VIT: variants seen among roughly 807,000 people sequenced by gnomAD.
VIT encodes the protein vitrin.
A neutral mutation model predicts 78.0 loss-of-function variants in VIT; 99 were observed. The observed-to-expected ratio is 1.27, with a 90% CI of 1.08 to 1.50. The LOEUF is 1.50. VIT is among the 40% of genes most tolerant of loss of function. The probability of loss-of-function intolerance (pLI) is 0.00; values close to 1 mark genes in which losing one functional copy is unlikely to be tolerated. For missense variants in VIT, 1,126 were observed against 875.3 expected (o/e 1.29, Z -3.61); for synonymous variants, 374 against 334.3 (o/e 1.12, Z -1.29).
chr2:36,752,518 C>T (rs1668524117), intron 4 of VIT, among the ~76,000 whole-genome samples: 1 of 152,172 alleles, frequency 6.6e-6, no homozygotes, highest in Non-Finnish European at 1.5e-5. Context: ...ACTGGGTTTG[C>T]TTTTCCAGAG....
At chr2:36,711,965 C>T (rs13006747) in intron 1 of VIT, among the ~76,000 whole-genome samples, 21,320 of 152,114 alleles carry the variant, frequency 0.14, 1,981 homozygotes, top group Non-Finnish European at 0.2. Context: ...ATCAGTAACA[C>T]ATTCTTTTGG....
In VIT at chr2:36,787,268, C is replaced by G. The variant is rs1422476279; in HGVS notation, c.1050C>G (p.Val350=). 6.2e-7 allele frequency: 1 copy of G among 1,614,014 alleles called. No homozygotes were observed. Residue 350 remains valine, a synonymous_variant, in exon 12 of 16, where the codon GTC becomes GTG. Coordinates refer to ENST00000379242, the MANE Select transcript of VIT (RefSeq NM_053276.4). ...CTGCCGGTCCACTGATGGGTGTTGTCCAGTATGGGTAAGTGCAGTTAATGT... is the reference window on the plus strand; with the variant it reads ...CTGCCGGTCCACTGATGGGTGTTGTGCAGTATGGGTAAGTGCAGTTAATGT... ...IGPAGPLMGV[V]QYGDNPATHF...
chr2:36,778,700 C>T (rs1418196547), intron 9 of VIT, among the ~76,000 whole-genome samples: 1 of 152,172 alleles, frequency 6.6e-6, no homozygotes, highest in Non-Finnish European at 1.5e-5. Context: ...ACCAGCATGG[C>T]GACACCCTGG....
At chr2:36,703,442 G>T (rs1176517071) in intron 1 of VIT, among the ~76,000 whole-genome samples, 2 of 151,984 alleles carry the variant, frequency 1.3e-5, no homozygotes, top group Admixed American at 1.3e-4. Context: ...TTGTCTTGAG[G>T]CCTCAACCAA....
chr2:36,793,214 C>G (rs1665630031), intron 12 of VIT, among the ~76,000 whole-genome samples: 1 of 152,146 alleles, frequency 6.6e-6, no homozygotes, highest in Non-Finnish European at 1.5e-5. Context: ...GCACGTGATT[C>G]ACATTTACTC....
Position 36,755,018 on chromosome 2 carries a change from T to TCCCTA in VIT, c.376_380dup (p.Arg128TyrfsTer11). Reference sequence around the variant, plus strand: ...TTATTCCAACGGTGTCCAATCGTTATCCCTACCACGATGGAGAGAATCCTT... The same window carrying TCCCTA: ...TTATTCCAACGGTGTCCAATCGTTATCCCTACCCTACCACGATGGAGAGAATCCTT... On this transcript the variant is annotated frameshift_variant, in exon 5 of 16. Transcript: ENST00000379242. LOFTEE classifies it high-confidence loss of function. The TCCCTA allele has an allele frequency of 6.2e-7, 1 of 1,614,176 alleles. No individual in the cohort carries two copies. The highest frequency in any genetic ancestry group is 8.5e-7 in the Non-Finnish European group (1 of 1,180,024).
chr2:36,796,820 G>T (rs1393288175), intron 12 of VIT, among the ~76,000 whole-genome samples: 1 of 151,914 alleles, frequency 6.6e-6, no homozygotes, highest in African/African-American at 2.4e-5. Context: ...ATTATTTGTC[G>T]ATGAGCAACG....
chr2:36,731,976 C>A (rs1273826629), intron 3 of VIT, among the ~76,000 whole-genome samples: 1 of 152,064 alleles, frequency 6.6e-6, no homozygotes, highest in Non-Finnish European at 1.5e-5. Context: ...GAAATGAGAC[C>A]AAAAGGGCAA....
At chr2:36,728,892 C>G (rs1038814705) in intron 2 of VIT, among the ~76,000 whole-genome samples, 1 of 147,038 alleles carries the variant, frequency 6.8e-6, no homozygotes, top group African/African-American at 2.5e-5. Context: ...GTTATAAAAT[C>G]TACGGCTTTG....
rs539015947 is a variant in VIT, at chr2:36,799,848, G to A, written c.1059-1453G>A. On this transcript the variant is annotated intron_variant, in intron 12 of 15. Transcript: ENST00000379242. The stretch of plus-strand genomic sequence containing the variant: ...AGATCACCTGAGGTGAGGAGTTGGA[G>A]ACCAGCCTGGCCAACATGGCAAAAC... 1.2e-4 allele frequency among the ~76,000 whole-genome samples: 19 copies of A among 152,002 alleles called. No homozygotes were observed. In the East Asian group the frequency reaches 1.4e-3, roughly 11 times the overall value.
chr2:36,723,141 G>T (rs1351182225), intron 2 of VIT, among the ~76,000 whole-genome samples: 1 of 151,930 alleles, frequency 6.6e-6, no homozygotes, highest in African/African-American at 2.4e-5. Context: ...CATTCTTAAG[G>T]TTAGAGCTGA....
intron 7 of VIT, among the ~76,000 whole-genome samples, chr2:36,770,546 TG>T (rs1558557047): frequency 6.6e-6 from 1 of 151,966 alleles, no homozygotes; most frequent in Non-Finnish European, 1.5e-5. Context: ...GAGTCAAGGC[TG>T]GGGGTAAGGG....
In VIT at chr2:36,748,994, G is replaced by A. The variant is rs1488784450; in HGVS notation, c.275+5738G>A. On this transcript the variant is annotated intron_variant, in intron 4 of 15. Transcript: ENST00000379242. ...CTGAGCATCCCGTGTTTTCTCCGTC[G>A]ACCTTACTGTGGAGGGATGACTTGG... Among the ~76,000 whole-genome samples, 9 of 152,202 alleles carry A rather than the reference G, an allele frequency of 5.9e-5. No individual in the cohort carries two copies. In the South Asian group the frequency reaches 1.5e-3, roughly 25 times the overall value.
chr2:36,767,117 A>C lies in VIT; in HGVS notation c.511A>C (p.Arg171=), dbSNP rs541035438. ...QAGETTKAYQ[R]PPIPGTTAQP... ...AGGTGAGACCACAAAAGCCTATCAG[A>C]GGCCACCTATTCCAGGGACAACTGC... Residue 171 remains arginine, a synonymous_variant, in exon 7 of 16, where the codon AGG becomes CGG. Coordinates refer to ENST00000379242, the MANE Select transcript of VIT (RefSeq NM_053276.4). 8 of 1,604,524 alleles carry C rather than the reference A, an allele frequency of 5.0e-6. No homozygotes were observed. In the Admixed American group the frequency reaches 1.4e-4, roughly 28 times the overall value.
rs371631509 is a variant in VIT, at chr2:36,735,017, T to A, written c.118+5526T>A. ...CGTCTCTACTAAAAATATAAAAATTTGCCGGGCGTGGTGGCAGGCACCTGT... is the reference window on the plus strand; with the variant it reads ...CGTCTCTACTAAAAATATAAAAATTAGCCGGGCGTGGTGGCAGGCACCTGT... On this transcript the variant is annotated intron_variant, in intron 3 of 15. Coordinates refer to ENST00000379242, the MANE Select transcript of VIT (RefSeq NM_053276.4). Among the ~76,000 whole-genome samples the A allele has an allele frequency of 1.9e-3, 285 of 151,944 alleles. 9 individuals are homozygous for A. The South Asian group carries it at 0.057, about 30-fold the overall frequency.
At chr2:36,775,167 C>A in intron 9 of VIT, 100 bp downstream of exon 9, 3 of 1,365,542 alleles carry the variant, frequency 2.2e-6, no homozygotes, top group Non-Finnish European at 3.0e-6. Context: ...TTGGCCTCTG[C>A]AGCTCAACTT....
At chr2:36,795,658 G>A (rs4670614) in intron 12 of VIT, among the ~76,000 whole-genome samples, 93,843 of 151,896 alleles carry the variant, frequency 0.62, 29,700 homozygotes, top group East Asian at 0.81. Context: ...CAGGTGATCC[G>A]CCTGCCTCGG....
chr2:36,756,464 GTAGGTCT>G (rs967919038), intron 5 of VIT, among the ~76,000 whole-genome samples: 1 of 152,170 alleles, frequency 6.6e-6, no homozygotes, highest in African/African-American at 2.4e-5. Flanking sequence ...TCATAAAACA[GTAGGTCT>G]TCCAATCTGG....
At chr2:36,807,220 G>C (rs1324217512) in intron 14 of VIT, among the ~76,000 whole-genome samples, 6 of 152,130 alleles carry the variant, frequency 3.9e-5, no homozygotes, top group African/African-American at 1.4e-4. Flanking sequence ...TTTCTGATGG[G>C]TTCCCTCAGT....
Sources: allele counts gnomAD v4.1 joint callset (sites outside exome capture counted in the v4.1 genomes callset), GRCh38; gene constraint gnomAD v4.1.1; transcripts MANE v1.5; gene names NCBI Gene and HGNC (gene_info 2026-07-23, HGNC 2026-07-21).